The following CACNA1I variants were observed in gnomAD, a reference collection of about 807,000 sequenced individuals.
The protein encoded by CACNA1I is voltage-dependent T-type calcium channel subunit alpha-1I.
CACNA1I carries 74 observed loss-of-function variants against 201.6 expected under a neutral mutation model. The ratio of observed to expected loss-of-function variants is 0.37; its 90% confidence interval spans 0.30 to 0.45. The LOEUF (loss-of-function observed/expected upper bound fraction) is 0.45, where lower values mean the gene tolerates loss of function less well. Ranked by LOEUF, CACNA1I falls within the 20% of genes least tolerant of loss-of-function variation. CACNA1I has a pLI of 1.00. For synonymous variants in CACNA1I, 1,431 were observed against 1,345.2 expected (o/e 1.06, Z -1.40); for missense variants, 2,346 against 3,138.1 (o/e 0.75, Z 6.03).
intron 5 of CACNA1I, among the ~76,000 whole-genome samples, chr22:39,638,159 C>G (rs535291666): frequency 6.6e-6 from 1 of 152,288 alleles, no homozygotes; most frequent in Non-Finnish European, 1.5e-5. Context: ...AAGCTGGTCT[C>G]GAACTCCTGA....
rs1186252531 is a variant in CACNA1I at position 39,666,100 on chromosome 22, A to G, written c.4104+94A>G. 2.8e-6 allele frequency: 4 copies of G among 1,452,944 alleles called. No homozygotes were observed. The highest frequency in any genetic ancestry group is 1.4e-5 in the African/African-American group (1 of 71,212). 90.0% of individuals were successfully genotyped at this position (1,452,944 alleles called of 1,614,324 possible). A position where few individuals can be genotyped will look rare whatever the true frequency, so the allele number is the denominator to read the frequency against. Reference sequence around the variant, plus strand: ...CAGACCTGGCTTGTCTTGCACTGCCAGGACTGACACTGACTTCTCCTCTCC... The same window carrying G: ...CAGACCTGGCTTGTCTTGCACTGCCGGGACTGACACTGACTTCTCCTCTCC... On this transcript the variant is annotated intron_variant, in intron 23 of 36. Transcript: ENST00000402142. The surrounding 1 kb of genome is among the most constrained non-coding windows in gnomAD (Gnocchi z 4.1).
At position 39,670,785 on chromosome 22, in the gene CACNA1I, C is replaced by A; in HGVS notation, c.4388-18C>A. On this transcript the variant is annotated intron_variant, in intron 25 of 36. Transcript: ENST00000402142. ...CAACCCTCTGTGGTCTTTGCCACTC[C>A]CCCTGCACCACCTGCAGAGGCCCAG... 1 of 1,613,684 alleles carries A rather than the reference C, an allele frequency of 6.2e-7. No individual in the cohort carries two copies. The highest frequency in any genetic ancestry group is 8.5e-7 in the Non-Finnish European group (1 of 1,179,690).
chr22:39,686,182 C>A lies in CACNA1I; in HGVS notation c.6449C>A (p.Ala2150Asp). The change falls in exon 37 of 37, where the codon GCC (alanine) becomes GAC (aspartate). Residue 2150 changes from alanine (A) to aspartate (D), a missense_variant. Physicochemically the swap from Ala to Asp is moderately radical, Grantham distance 126. This residue lies in a region of CACNA1I where 187 missense variants were observed against 151.0 expected (regional missense o/e 1.24). Coordinates refer to ENST00000402142, the MANE Select transcript of CACNA1I (RefSeq NM_021096.4). ...CCGCCAGCCCCCGGCCTCACGCCCG[C>A]CAGGAAGTTCAGCAGCACCAGCAGC... ...PPPPAPGLTP[A>D]RKFSSTSSLA... 1 of 1,286,608 alleles carries A rather than the reference C, an allele frequency of 7.8e-7. No homozygotes were observed. The highest frequency in any genetic ancestry group is 9.8e-7 in the Non-Finnish European group (1 of 1,017,164). The allele number at this position is 1,286,608 out of a possible 1,614,324, so 79.7% of individuals were successfully genotyped here. A position where few individuals can be genotyped will look rare whatever the true frequency, so the allele number is the denominator to read the frequency against.
chr22:39,664,252 A>T (rs1935113486), intron 20 of CACNA1I, 93 bp downstream of exon 20: 3 of 1,059,198 alleles, frequency 2.8e-6, no homozygotes, highest in Non-Finnish European at 4.2e-6. Flanking sequence ...CTCGCCTGCC[A>T]TCGGCTTCAT....
At position 39,667,022 on chromosome 22, in the gene CACNA1I, A is replaced by G. The variant is rs143288639; in HGVS notation, c.4104+1016A>G. On this transcript the variant is annotated intron_variant, in intron 23 of 36. Coordinates refer to ENST00000402142, the MANE Select transcript of CACNA1I (RefSeq NM_021096.4). ...TTCTGGGTCTGCCTGGCTCTCCTGG[A>G]ACCCTGCGTGGGGTGTTCTCTGTAC... is the stretch of plus-strand genomic sequence containing the variant. 4.4e-3 allele frequency among the ~76,000 whole-genome samples: 663 copies of G among 152,302 alleles called. 4 individuals carry two copies. Among genetic ancestry groups the G allele is most frequent in the South Asian group, 0.01 (50 of 4,830 alleles).
At chr22:39,663,962 G>A (rs1169576879) in intron 19 of CACNA1I, 121 bp downstream of exon 19, 10 of 1,528,130 alleles carry the variant, frequency 6.5e-6, no homozygotes, top group Non-Finnish European at 9.0e-6. Context: ...TGCCTTTGGG[G>A]CGGGGAAAGC....
At position 39,679,376 on chromosome 22, in the gene CACNA1I, G is replaced by C. The variant is rs1301285124; in HGVS notation, c.5325G>C (p.Gly1775=). 6 of 1,518,950 alleles carry C rather than the reference G, an allele frequency of 4.0e-6. No individual in the cohort carries two copies. The South Asian group carries it at 6.2e-5, about 16-fold the overall frequency. 94.1% of individuals were successfully genotyped at this position (1,518,950 alleles called of 1,614,324 possible). ...PTGSPGAPGR[G]PGGAGGGGDT... ...GCTCCCCGGGCGCCCCTGGCCGAGGGCCGGGAGGGGCGGGCGGCGGGGGCG... is the reference window on the plus strand; with the variant it reads ...GCTCCCCGGGCGCCCCTGGCCGAGGCCCGGGAGGGGCGGGCGGCGGGGGCG... The change falls in exon 32 of 37, where the codon GGG becomes GGC. Residue 1775 remains glycine, a synonymous_variant. Transcript: ENST00000402142.
Position 39,598,256 on chromosome 22 carries a change from C to T in CACNA1I, c.342C>T (p.Ile114=). The T allele has an allele frequency of 6.3e-7, 1 of 1,584,450 alleles. No individual in the cohort carries two copies. Reference sequence around the variant, plus strand: ...ACTGCCTGTCCGACCGCTGCAAGATCCTGCAGGTGAGCCGGCCGCCCCGCC... The same window carrying T: ...ACTGCCTGTCCGACCGCTGCAAGATTCTGCAGGTGAGCCGGCCGCCCCGCC... The part of the protein sequence containing the change: ...DMDCLSDRCK[I]LQVFDDFIFI... The change falls in exon 2 of 37, where the codon ATC becomes ATT. Residue 114 remains isoleucine, a synonymous_variant. Transcript: ENST00000402142.
intron 1 of CACNA1I, among the ~76,000 whole-genome samples, chr22:39,591,717 C>A (rs1328417389): frequency 6.6e-6 from 1 of 151,840 alleles, no homozygotes; most frequent in Non-Finnish European, 1.5e-5. Context: ...TGCCACCATG[C>A]CCAGCTAATT....
chr22:39,604,534 A>G (rs1933154797), intron 3 of CACNA1I, among the ~76,000 whole-genome samples: 1 of 152,198 alleles, frequency 6.6e-6, no homozygotes, highest in South Asian at 2.1e-4. Context: ...TTCAGTTTGC[A>G]CCAAGTCCCA....
chr22:39,682,204 G>T (rs1935725795), intron 34 of CACNA1I, among the ~76,000 whole-genome samples: 1 of 152,194 alleles, frequency 6.6e-6, no homozygotes, highest in South Asian at 2.1e-4. Flanking sequence ...CACTCGTGTG[G>T]CCACTCAGCC....
chr22:39,614,212 G>T (rs1049455866), intron 3 of CACNA1I, among the ~76,000 whole-genome samples: 1 of 152,140 alleles, frequency 6.6e-6, no homozygotes, highest in Admixed American at 6.5e-5. Context: ...AGCTGAGAGA[G>T]GAGTACTTGA....
chr22:39,658,912 C>T lies in CACNA1I; in HGVS notation c.2145-19C>T. ...GCTGCCTCCTACCTGTACCCTGGGC[C>T]TGCCCTGCGGGACCGCAGCATCTGG... On this transcript the variant is annotated intron_variant, in intron 11 of 36. Transcript: ENST00000402142. 6.4e-7 allele frequency: 1 copy of T among 1,571,172 alleles called. No individual in the cohort carries two copies. Among genetic ancestry groups the T allele is most frequent in the Non-Finnish European group, 8.6e-7 (1 of 1,161,600 alleles).
Position 39,641,109 on chromosome 22 carries a change from C to T in CACNA1I, c.983C>T (p.Thr328Met), listed in dbSNP as rs750837338. 7.4e-6 allele frequency: 12 copies of T among 1,613,894 alleles called. No homozygotes were observed. The highest frequency in any genetic ancestry group is 1.3e-5 in the African/African-American group (1 of 74,948). The change falls in exon 6 of 37, where the codon ACG (threonine) becomes ATG (methionine). Residue 328 changes from threonine to methionine, a missense_variant. Coordinates refer to ENST00000402142, the MANE Select transcript of CACNA1I (RefSeq NM_021096.4). ...AACCGTTACTACAATGTGTGCCGCA[C>T]GGGCAGCGCCAACCCCCACAAGGGT... ...NWNRYYNVCR[T>M]GSANPHKGAI...
chr22:39,632,789 G>A (rs1372956011), intron 4 of CACNA1I, among the ~76,000 whole-genome samples: 1 of 152,048 alleles, frequency 6.6e-6, no homozygotes, highest in Non-Finnish European at 1.5e-5. Context: ...CCATTTGGAT[G>A]GATTATGAGG....
intron 1 of CACNA1I, among the ~76,000 whole-genome samples, chr22:39,592,589 C>T (rs182775927): frequency 2.1e-4 from 32 of 152,314 alleles, no homozygotes; most frequent in African/African-American, 6.7e-4. Context: ...GGATGCCCGT[C>T]GCAGGGCTTC....
chr22:39,605,035 G>C (rs1933172813), intron 3 of CACNA1I, among the ~76,000 whole-genome samples: 1 of 151,864 alleles, frequency 6.6e-6, no homozygotes, highest in African/African-American at 2.4e-5. Context: ...CACAACCCTG[G>C]CTCCAGAGCC....
intron 3 of CACNA1I, among the ~76,000 whole-genome samples, chr22:39,617,045 A>G (rs1026581497): frequency 2.6e-5 from 4 of 152,088 alleles, no homozygotes; most frequent in African/African-American, 9.7e-5. Flanking sequence ...CCGGGGTGGA[A>G]TGGAGGGAGG....
intron 4 of CACNA1I, among the ~76,000 whole-genome samples, chr22:39,632,077 C>G (rs984733307): frequency 2.0e-5 from 3 of 151,962 alleles, no homozygotes; most frequent in Admixed American, 2.0e-4. Flanking sequence ...TTTGCAGGAG[C>G]CTTTTGGAAT....
Sources: gnomAD v4.1 joint callset for allele counts (sites outside exome capture counted in the v4.1 genomes callset) on GRCh38, gnomAD v4.1.1 for gene constraint, gnomAD v4.1.1 regional missense constraint, Gnocchi (gnomAD v3.1) non-coding constraint, MANE v1.5 for transcripts, NCBI Gene and HGNC (gene_info 2026-07-23, HGNC 2026-07-21) for gene names.